THBS4: variants seen among roughly 807,000 people sequenced by gnomAD.
THBS4 encodes thrombospondin 4, also known as thrombospondin-4.
In THBS4, 90 loss-of-function variants were observed where a neutral mutation model predicts 115.7. The observed-to-expected ratio is 0.78, with a 90% CI of 0.66 to 0.93. The LOEUF (loss-of-function observed/expected upper bound fraction) is 0.93. Ranked by LOEUF, THBS4 falls within the 40% of genes least tolerant of loss-of-function variation. THBS4 has a pLI of 0.00. For missense variants in THBS4, 1,087 were observed against 1,232.7 expected, an observed-to-expected ratio of 0.88 and a Z score of 1.77; for synonymous variants, 460 against 479.3, an observed-to-expected ratio of 0.96 and a Z score of 0.53.
chr5:80,026,990 T>C (rs571385678), intron 2 of THBS4, among the ~76,000 whole-genome samples: 2 of 152,216 alleles, frequency 1.3e-5, no homozygotes, highest in African/African-American at 4.8e-5. Context: ...AGAATAAAAC[T>C]ATTTGCCAAA....
chr5:80,054,890 G>C (rs1278417775), intron 2 of THBS4, among the ~76,000 whole-genome samples: 1 of 152,196 alleles, frequency 6.6e-6, no homozygotes, highest in Non-Finnish European at 1.5e-5. Flanking sequence ...CATTGCTTTA[G>C]TCATGGAATG....
rs79236442 is a variant in THBS4, at chr5:79,997,696, A to T, written n.82-636A>T. On this transcript the variant is annotated intron_variant and non_coding_transcript_variant, in intron 1 of 3. Coordinates refer to the THBS4 transcript ENST00000510218. ...ATGCCCCACCCAGTGACAGCAGAACATACATTATTTTTAAGAGCCTATATA... is the reference window on the plus strand; with the variant it reads ...ATGCCCCACCCAGTGACAGCAGAACTTACATTATTTTTAAGAGCCTATATA... Among the ~76,000 whole-genome samples, 886 of 152,324 alleles carry T rather than the reference A, an allele frequency of 5.8e-3. 13 individuals carry two copies. The highest frequency in any genetic ancestry group is 0.02 in the African/African-American group (846 of 41,574).
At chr5:80,053,315 C>T (rs991890588) in intron 2 of THBS4, among the ~76,000 whole-genome samples, 1 of 151,906 alleles carries the variant, frequency 6.6e-6, no homozygotes, top group Non-Finnish European at 1.5e-5. Context: ...AAGTAGCCAG[C>T]CCTCTCCTTT....
intron 2 of THBS4, among the ~76,000 whole-genome samples, chr5:80,044,883 G>A (rs188093830): frequency 2.7e-4 from 41 of 152,238 alleles, no homozygotes; most frequent in African/African-American, 9.6e-4. Flanking sequence ...GAAACCACCT[G>A]GCTGGATAGA....
At position 80,079,631 on chromosome 5, in the gene THBS4, G is replaced by A. The variant is rs1036874900; in HGVS notation, c.2512-274G>A. ...ACAAGGCTGACTTAAGTAGCCAGAC[G>A]TTTGATAGGAGCCCTCATTGGGCAA... On this transcript the variant is annotated intron_variant, in intron 19 of 21. Transcript: ENST00000350881. Among the ~76,000 whole-genome samples the A allele has an allele frequency of 4.2e-4, 64 of 152,208 alleles. 1 individual carries two copies. The highest frequency in any genetic ancestry group is 4.1e-3 in the Admixed American group (62 of 15,280).
Position 80,070,641 on chromosome 5 carries a change from A to T in THBS4, c.1453-2A>T. The T allele has an allele frequency of 6.2e-7, 1 of 1,613,680 alleles. No homozygotes were observed. Among genetic ancestry groups the T allele is most frequent in the Non-Finnish European group, 8.5e-7 (1 of 1,179,570 alleles). ...CACTCGGAACTGCATTTTCCCCCTA[A>T]GGACAACTGCAAATATGTGCCAAAT... On this transcript the variant is annotated splice_acceptor_variant, in intron 11 of 21. Coordinates refer to ENST00000350881, the MANE Select transcript of THBS4 (RefSeq NM_003248.6). LOFTEE classifies it high-confidence loss of function.
intron 2 of THBS4, among the ~76,000 whole-genome samples, chr5:80,047,792 C>T (rs1163072598): frequency 6.6e-6 from 1 of 151,920 alleles, no homozygotes; most frequent in Non-Finnish European, 1.5e-5. Context: ...CGCCACCACA[C>T]CCGCCTAATT....
In THBS4 at chr5:80,035,665, G is replaced by T. The variant is rs964981738; in HGVS notation, c.88+40G>T. 2 of 1,278,230 alleles carry T rather than the reference G, an allele frequency of 1.6e-6. No homozygotes were observed. The highest frequency in any genetic ancestry group is 2.0e-6 in the Non-Finnish European group (2 of 1,002,434). The allele number at this position is 1,278,230 out of a possible 1,614,324, so 79.2% of individuals were successfully genotyped here. ...GTCGGGCCTGGGAGCGCCGGGCACC[G>T]GGTGCCCCATCTGCTGAGTGAGTGG... is the stretch of plus-strand genomic sequence containing the variant. On this transcript the variant is annotated intron_variant, in intron 1 of 21. Coordinates refer to ENST00000350881, the MANE Select transcript of THBS4 (RefSeq NM_003248.6). The surrounding 1 kb of genome is among the most constrained non-coding windows in gnomAD (Gnocchi z 4.6).
Position 80,058,760 on chromosome 5 carries a change from G to T in THBS4, c.702G>T (p.Leu234=). 1 of 1,614,030 alleles carries T rather than the reference G, an allele frequency of 6.2e-7. No homozygotes were observed. Among genetic ancestry groups the T allele is most frequent in the African/African-American group, 1.3e-5 (1 of 75,036 alleles). Residue 234 remains leucine (L), a synonymous_variant, in exon 5 of 22, where the codon CTG becomes CTT. Transcript: ENST00000350881. ...LGQMTQLNQL[L]GEVKDLLRQQ... ...AAATGACACAATTAAACCAACTCCTGGGAGAGGTGAAGGACCTTCTGAGAC... is the reference window on the plus strand; with the variant it reads ...AAATGACACAATTAAACCAACTCCTTGGAGAGGTGAAGGACCTTCTGAGAC...
chr5:80,022,701 G>A (rs1409194043), intron 2 of THBS4, among the ~76,000 whole-genome samples: 1 of 152,204 alleles, frequency 6.6e-6, no homozygotes, highest in Admixed American at 6.5e-5. Flanking sequence ...AAAAAAGTAT[G>A]AAGATAGGCC....
intron 2 of THBS4, among the ~76,000 whole-genome samples, chr5:80,045,556 G>GT (rs1354435203): frequency 3.4e-5 from 5 of 146,900 alleles, no homozygotes; most frequent in African/African-American, 1.3e-4. Flanking sequence ...TTGAGACGGA[G>GT]TTTTGCTCTT....
At chr5:80,059,380 A>T in intron 5 of THBS4, 60 bp from the exon 6 acceptor site, 1 of 1,518,736 alleles carries the variant, frequency 6.6e-7, no homozygotes, top group East Asian at 2.3e-5. Context: ...GGATTCTTTC[A>T]TTCCTGGATG....
intron 19 of THBS4, 53 bp downstream of exon 19, chr5:80,079,311 T>C: frequency 6.6e-7 from 1 of 1,511,928 alleles, no homozygotes; most frequent in Non-Finnish European, 8.8e-7. Flanking sequence ...CTCTCATCTT[T>C]TTTCAGATAT....
rs750846946 is a variant in THBS4, at chr5:80,078,223, A to T, written c.2261A>T (p.Asn754Ile). The change falls in exon 17 of 22, where the codon AAC becomes ATC. Residue 754 changes from asparagine to isoleucine, a missense_variant. Physicochemically the swap from Asn to Ile is moderately radical, Grantham distance 149. This residue lies in a region of THBS4 where 979 missense variants were observed against 1,103.7 expected (regional missense o/e 0.89). Transcript: ENST00000350881. ...ATCGATCCCAACTGGGTGGTCCTGA[A>T]CCAGGTGAGTGTCACATGGGCGGCA... ...AQIDPNWVVLNQGMEIVQTMN... is the reference protein window; with the variant it reads ...AQIDPNWVVLIQGMEIVQTMN... 2.5e-6 allele frequency: 4 copies of T among 1,581,484 alleles called. No individual in the cohort carries two copies. Among genetic ancestry groups the T allele is most frequent in the Non-Finnish European group, 3.5e-6 (4 of 1,157,170 alleles).
chr5:80,064,648 C>T (rs1323962305), intron 8 of THBS4, among the ~76,000 whole-genome samples: 1 of 152,136 alleles, frequency 6.6e-6, no homozygotes, highest in Non-Finnish European at 1.5e-5. Context: ...GGGAGGATCA[C>T]CTGAGTCTGG....
intron 9 of THBS4, 198 bp from the exon 10 acceptor site, chr5:80,067,775 A>G (rs1280930220): frequency 2.0e-5 from 11 of 555,804 alleles, no homozygotes; most frequent in Non-Finnish European, 3.4e-5. Flanking sequence ...GAGTGGCCGG[A>G]CGCAGCCTCC....
intron 1 of THBS4, among the ~76,000 whole-genome samples, chr5:79,994,981 A>C (rs1831762230): frequency 6.6e-6 from 1 of 152,194 alleles, no homozygotes; most frequent in Non-Finnish European, 1.5e-5. Context: ...TTAGATTGGC[A>C]CAGAGTAAGG....
chr5:80,023,785 G>T (rs1229280825), intron 2 of THBS4, among the ~76,000 whole-genome samples: 1 of 152,194 alleles, frequency 6.6e-6, no homozygotes, highest in East Asian at 1.9e-4. Flanking sequence ...GAAAGCAAAA[G>T]GGGAGCTGGT....
chr5:80,017,027 A>C (rs938308647), intron 2 of THBS4, among the ~76,000 whole-genome samples: 14 of 152,240 alleles, frequency 9.2e-5, no homozygotes, highest in African/African-American at 3.4e-4. Context: ...TGATAAGAAC[A>C]CAAGATAAAA....
Sources: allele counts gnomAD v4.1 joint callset (sites outside exome capture counted in the v4.1 genomes callset), GRCh38; gene constraint gnomAD v4.1.1; regional missense constraint gnomAD v4.1.1; non-coding constraint Gnocchi (gnomAD v3.1); transcripts MANE v1.5; gene names NCBI Gene and HGNC (gene_info 2026-07-23, HGNC 2026-07-21).